The following SETD3 variants were observed in gnomAD, a reference collection of about 807,000 sequenced individuals.
SETD3 encodes actin-histidine N-methyltransferase.
SETD3 carries 19 observed loss-of-function variants against 63.0 expected under a neutral mutation model. The ratio of observed to expected loss-of-function variants is 0.30; its 90% CI spans 0.21 to 0.44. SETD3 has a LOEUF of 0.44. Among genes scored for constraint, SETD3 ranks in the 20% least tolerant of loss-of-function variants. The pLI, the probability that SETD3 is intolerant of heterozygous loss-of-function variation, is 1.00. For synonymous variants in SETD3, 286 were observed against 264.1 expected (o/e 1.08, Z -0.80); for missense variants, 587 against 728.5 (o/e 0.81, Z 2.24).
intron 6 of SETD3, among the ~76,000 whole-genome samples, chr14:99,440,987 G>C (rs1360571382): frequency 6.6e-6 from 1 of 152,202 alleles, no homozygotes; most frequent in Non-Finnish European, 1.5e-5. Context: ...CTGATGCTCA[G>C]GGCCAATGAG....
At chr14:99,424,007 T>G (rs924246245) in intron 6 of SETD3, among the ~76,000 whole-genome samples, 24 of 152,172 alleles carry the variant, frequency 1.6e-4, no homozygotes, top group Non-Finnish European at 3.2e-4. Flanking sequence ...TTAAGAATGA[T>G]ACCATTTTGT....
intron 6 of SETD3, among the ~76,000 whole-genome samples, chr14:99,441,293 C>T (rs1434091567): frequency 6.6e-6 from 1 of 152,230 alleles, no homozygotes; most frequent in African/African-American, 2.4e-5. Flanking sequence ...TCTGTGTGCA[C>T]AGAGGGCTCA....
At chr14:99,442,248 TAC>T (rs1331929495) in intron 6 of SETD3, among the ~76,000 whole-genome samples, 2 of 152,232 alleles carry the variant, frequency 1.3e-5, no homozygotes, top group East Asian at 1.9e-4. Flanking sequence ...TGAAATGAAA[TAC>T]ACAGTTTCTG....
chr14:99,399,362 A>C (rs958324580), intron 12 of SETD3, among the ~76,000 whole-genome samples: 2 of 152,204 alleles, frequency 1.3e-5, no homozygotes, highest in African/African-American at 4.8e-5. Context: ...CAAAACAAGA[A>C]AGAACAGCCT....
At position 99,397,851 on chromosome 14, in the gene SETD3, T is replaced by C. The variant is rs997677108; in HGVS notation, c.*828A>G. 3.3e-5 allele frequency: 5 copies of C among 152,604 alleles called. No homozygotes were observed. The highest frequency in any genetic ancestry group is 1.3e-4 in the Admixed American group (2 of 15,286). 9.5% of individuals were successfully genotyped at this position (152,604 alleles called of 1,614,324 possible). A position where few individuals can be genotyped will look rare whatever the true frequency, so the allele number is the denominator to read the frequency against. ...GGAAAGCCAAGGAGCTGCCTCACAC[T>C]GCACACCACCACGTGAAGCTGTGGG... On this transcript the variant is annotated 3_prime_UTR_variant, in exon 13 of 13. Transcript: ENST00000331768.
At chr14:99,424,432 G>A (rs1019141258) in intron 6 of SETD3, among the ~76,000 whole-genome samples, 1 of 152,182 alleles carries the variant, frequency 6.6e-6, no homozygotes, top group Non-Finnish European at 1.5e-5. Context: ...CTTCAGGGCG[G>A]GGAGAGCCAG....
At chr14:99,429,392 G>A (rs1405532736) in intron 6 of SETD3, among the ~76,000 whole-genome samples, 2 of 152,300 alleles carry the variant, frequency 1.3e-5, no homozygotes, top group Admixed American at 1.3e-4. Flanking sequence ...AAAGAAAAGT[G>A]AAGAAAAGGA....
Position 99,461,264 on chromosome 14 carries a change from A to T in SETD3, c.273T>A (p.Ala91=). 6.2e-7 allele frequency: 1 copy of T among 1,614,252 alleles called. No individual in the cohort carries two copies. The highest frequency in any genetic ancestry group is 8.5e-7 in the Non-Finnish European group (1 of 1,180,044). The change falls in exon 4 of 13, where the codon GCT becomes GCA. Residue 91 remains alanine (A), a synonymous_variant. Coordinates refer to ENST00000331768, the MANE Select transcript of SETD3 (RefSeq NM_032233.3). The part of the protein sequence containing the change: ...DLMKWASENG[A]SVEGFEMVNF... ...TAACCATTTCAAAACCCTCGACAGA[A>T]GCCCCATTTTCAGAGGCCCATTTCA...
chr14:99,438,049 C>CT (rs1284843193), intron 6 of SETD3, among the ~76,000 whole-genome samples: 3 of 152,166 alleles, frequency 2.0e-5, no homozygotes, highest in African/African-American at 4.8e-5. Context: ...GTTGTAAACT[C>CT]TATCAAATAA....
chr14:99,458,527 A>AT lies in SETD3; in HGVS notation c.426dup (p.Tyr143IlefsTer22), dbSNP rs1566726353. 6.2e-7 allele frequency: 1 copy of AT among 1,613,950 alleles called. No homozygotes were observed. Among genetic ancestry groups the AT allele is most frequent in the South Asian group, 1.1e-5 (1 of 91,062 alleles). ...GCTTGAAGGATTCGGTCTTGAGAAT[A>AT]TAAGGGCCCTGAATTAACCCAGAAG... is the stretch of plus-strand genomic sequence containing the variant. On this transcript the variant is annotated frameshift_variant, in exon 6 of 13. Coordinates refer to ENST00000331768, the MANE Select transcript of SETD3 (RefSeq NM_032233.3). LOFTEE classifies it high-confidence loss of function.
intron 11 of SETD3, among the ~76,000 whole-genome samples, chr14:99,403,231 A>G (rs1223064208): frequency 6.6e-6 from 1 of 152,120 alleles, no homozygotes; most frequent in Non-Finnish European, 1.5e-5. Flanking sequence ...GGATCCAGAC[A>G]TTAAAACCAA....
chr14:99,430,200 G>A (rs977225176), intron 6 of SETD3, among the ~76,000 whole-genome samples: 8 of 152,200 alleles, frequency 5.3e-5, no homozygotes, highest in African/African-American at 1.9e-4. Context: ...TCTGCTCTCT[G>A]AATAAAGCCC....
rs776511316 is a variant in SETD3, at chr14:99,400,218, T to C, written c.1219A>G (p.Arg407Gly). 1.2e-6 allele frequency: 2 copies of C among 1,614,030 alleles called. No individual in the cohort carries two copies. Among genetic ancestry groups the C allele is most frequent in the Admixed American group, 1.7e-5 (1 of 59,996 alleles). Reference sequence around the variant, plus strand: ...TCCGAGTTCCCCAAGGTGAAGATTCTATCAATAGCGCTGTCTCCCAGCAAG... The same window carrying C: ...TCCGAGTTCCCCAAGGTGAAGATTCCATCAATAGCGCTGTCTCCCAGCAAG... Reference protein sequence around the residue: ...EHLLGDSAIDRIFTLGNSEFP... With the variant: ...EHLLGDSAIDGIFTLGNSEFP... Residue 407 changes from arginine to glycine, a missense_variant, in exon 12 of 13, where the codon AGA becomes GGA. Transcript: ENST00000331768.
upstream of SETD3, chr14:99,481,278 GA>G (rs1896303237): frequency 2.5e-6 from 1 of 395,276 alleles, no homozygotes; most frequent in Non-Finnish European, 4.5e-6. Context: ...GGCGGGCGGG[GA>G]GGAGAGCGGC....
intron 6 of SETD3, among the ~76,000 whole-genome samples, chr14:99,437,519 A>ACCAGCACCTCTCTGCAATC (rs1484402436): frequency 2.6e-5 from 4 of 152,220 alleles, no homozygotes; most frequent in African/African-American, 9.6e-5. Flanking sequence ...TGGAAACTAC[A>ACCAGCACCTCTCTGCAATC]CCAGCACCTC....
intron 6 of SETD3, among the ~76,000 whole-genome samples, chr14:99,419,328 A>C (rs1353914256): frequency 6.6e-6 from 1 of 152,242 alleles, no homozygotes; most frequent in Non-Finnish European, 1.5e-5. Context: ...AATTAAGAAA[A>C]TGAAATTAGT....
intron 6 of SETD3, among the ~76,000 whole-genome samples, chr14:99,448,686 C>T (rs1025348166): frequency 6.6e-6 from 1 of 152,280 alleles, no homozygotes; most frequent in East Asian, 1.9e-4. Flanking sequence ...CTATTCTGTC[C>T]CTCCTCAATT....
At chr14:99,407,590 C>T (rs550652099) in intron 8 of SETD3, among the ~76,000 whole-genome samples, 10 of 152,290 alleles carry the variant, frequency 6.6e-5, no homozygotes, top group Admixed American at 5.2e-4. Context: ...TTCCTGAGCA[C>T]GGCCGAATAA....
chr14:99,415,021 TA>T (rs1192712557), intron 6 of SETD3, among the ~76,000 whole-genome samples: 2 of 152,212 alleles, frequency 1.3e-5, no homozygotes, highest in Admixed American at 1.3e-4. Flanking sequence ...GCTAAAACCG[TA>T]AATCAATTAG....
Sources: gnomAD v4.1 joint callset for allele counts (sites outside exome capture counted in the v4.1 genomes callset) on GRCh38, gnomAD v4.1.1 for gene constraint, MANE v1.5 for transcripts, NCBI Gene and HGNC (gene_info 2026-07-23, HGNC 2026-07-21) for gene names.